FCMR: variants seen among roughly 807,000 people sequenced by gnomAD.
FCMR encodes Fc mu receptor.
In FCMR, 34 loss-of-function variants were observed where a neutral mutation model predicts 41.6. The ratio of observed to expected loss-of-function variants is 0.82; its 90% confidence interval spans 0.62 to 1.09. The LOEUF is 1.09. FCMR is among the 50% of genes least tolerant of loss of function. The pLI, the probability that FCMR is intolerant of heterozygous loss-of-function variation, is 0.00. For missense variants in FCMR, 496 were observed against 512.5 expected (o/e 0.97, Z 0.31); for synonymous variants, 209 against 211.8 (o/e 0.99, Z 0.12).
chr1:206,904,810 CA>C lies in FCMR; in HGVS notation c.*208del. On this transcript the variant is annotated 3_prime_UTR_variant, in exon 8 of 8. Coordinates refer to ENST00000367091, the MANE Select transcript of FCMR (RefSeq NM_005449.5). ...CTCTACATGCCTACAGCTTACCTGT[CA>C]ACTACAGGGGGCTGCCAAGGTGTGC... 1 of 573,744 alleles carries C rather than the reference CA, an allele frequency of 1.7e-6. No homozygotes were observed. The highest frequency in any genetic ancestry group is 2.0e-5 in the South Asian group (1 of 50,090). 35.5% of individuals were successfully genotyped at this position (573,744 alleles called of 1,614,324 possible). A position where few individuals can be genotyped will look rare whatever the true frequency, so the allele number is the denominator to read the frequency against.
intron 1 of FCMR, among the ~76,000 whole-genome samples, chr1:206,918,208 C>A (rs1384775820): frequency 6.6e-6 from 1 of 152,182 alleles, no homozygotes; most frequent in African/African-American, 2.4e-5. Context: ...GCCAGCCCAG[C>A]TTGAAACACA....
At chr1:206,907,936 G>C in intron 7 of FCMR, 2 of 1,293,798 alleles carry the variant, frequency 1.5e-6, no homozygotes, top group South Asian at 2.4e-5. Flanking sequence ...GGTGTTTGAC[G>C]GCATCCTACT....
At chr1:206,919,154 G>A (rs1572632424) in intron 1 of FCMR, among the ~76,000 whole-genome samples, 2 of 151,994 alleles carry the variant, frequency 1.3e-5, no homozygotes, top group South Asian at 2.1e-4. Context: ...TACAGTCTTC[G>A]TCCACCCCCA....
Position 206,904,919 on chromosome 1 carries a change from G to A in FCMR, c.*100C>T. ...AGATGGGGCATGGGAAGTGATGAGGGCTCTGAGAACACATGAAGCAGGTAT... is the reference window on the plus strand; with the variant it reads ...AGATGGGGCATGGGAAGTGATGAGGACTCTGAGAACACATGAAGCAGGTAT... On this transcript the variant is annotated 3_prime_UTR_variant, in exon 8 of 8. Coordinates refer to ENST00000367091, the MANE Select transcript of FCMR (RefSeq NM_005449.5). 8.1e-7 allele frequency: 1 copy of A among 1,228,370 alleles called. No homozygotes were observed. The highest frequency in any genetic ancestry group is 1.3e-5 in the South Asian group (1 of 77,666). 76.1% of individuals were successfully genotyped at this position (1,228,370 alleles called of 1,614,324 possible). A position where few individuals can be genotyped will look rare whatever the true frequency, so the allele number is the denominator to read the frequency against.
chr1:206,913,927 T>C lies in FCMR; in HGVS notation c.205A>G (p.Lys69Glu), dbSNP rs1020537472. ...GTAACTCGGCCCTTGTATTCTGCCT[T>C]GATGAAGTTGGTGGTGGATACCACG... is the stretch of plus-strand genomic sequence containing the variant. ...GTVVSTTNFI[K>E]AEYKGRVTLK... Residue 69 changes from lysine to glutamate, a missense_variant, in exon 2 of 8, where the codon AAG (lysine) becomes GAG (glutamate). Physicochemically the swap from Lys to Glu is moderately conservative, Grantham distance 56 (BLOSUM62 1). Transcript: ENST00000367091. The C allele has an allele frequency of 6.2e-7, 1 of 1,614,250 alleles. No homozygotes were observed. Among genetic ancestry groups the C allele is most frequent in the Non-Finnish European group, 8.5e-7 (1 of 1,180,042 alleles).
At chr1:206,921,754 TA>T in intron 1 of FCMR, 63 bp downstream of exon 1, 1 of 1,448,870 alleles carries the variant, frequency 6.9e-7, no homozygotes, top group Non-Finnish European at 9.7e-7. Context: ...ACCAGGCAAT[TA>T]TTCTACTTGT....
chr1:206,904,771 C>A lies in FCMR; in HGVS notation c.*248G>T. ...GACGGCTTGGAAAGGAAGCAAGTGG[C>A]ATTGGGACAATTGCTCTACATGCCT... is the stretch of plus-strand genomic sequence containing the variant. On this transcript the variant is annotated 3_prime_UTR_variant, in exon 8 of 8. Transcript: ENST00000367091. 1 of 490,652 alleles carries A rather than the reference C, an allele frequency of 2.0e-6. No individual in the cohort carries two copies. The highest frequency in any genetic ancestry group is 3.7e-6 in the Non-Finnish European group (1 of 267,802). The allele number at this position is 490,652 out of a possible 1,614,324, so 30.4% of individuals were successfully genotyped here. A position where few individuals can be genotyped will look rare whatever the true frequency, so the allele number is the denominator to read the frequency against.
chr1:206,906,708 G>T (rs1678661928), intron 7 of FCMR, among the ~76,000 whole-genome samples: 1 of 152,014 alleles, frequency 6.6e-6, no homozygotes, highest in Admixed American at 6.5e-5. Context: ...GTGGGAATGA[G>T]AGTTTCAAGT....
chr1:206,911,398 G>A (rs1387293201), intron 4 of FCMR, among the ~76,000 whole-genome samples: 2 of 152,110 alleles, frequency 1.3e-5, no homozygotes, highest in African/African-American at 4.8e-5. Flanking sequence ...ACAGTAAAAG[G>A]AAATGGGTGA....
intron 7 of FCMR, among the ~76,000 whole-genome samples, chr1:206,907,416 C>G (rs117834425): frequency 6.6e-6 from 1 of 152,246 alleles, no homozygotes; most frequent in East Asian, 1.9e-4. Flanking sequence ...GGCGCAGCAA[C>G]CAGACAGAGG....
At chr1:206,918,163 C>T (rs566733011) in intron 1 of FCMR, among the ~76,000 whole-genome samples, 20 of 152,230 alleles carry the variant, frequency 1.3e-4, no homozygotes, top group Non-Finnish European at 2.1e-4. Flanking sequence ...GTCTTCATTT[C>T]CCCTCATCCT....
chr1:206,912,796 G>A, intron 3 of FCMR, 133 bp downstream of exon 3: 3 of 673,998 alleles, frequency 4.5e-6, no homozygotes, highest in Non-Finnish European at 8.4e-6. Context: ...CTCTCTAAAG[G>A]CAGGGAATAC....
intron 7 of FCMR, chr1:206,906,064 A>T: frequency 3.1e-6 from 1 of 325,742 alleles, no homozygotes; most frequent in Non-Finnish European, 6.3e-6. Context: ...TGAGGATGAA[A>T]CTCAGTCAAG....
intron 4 of FCMR, 40 bp downstream of exon 4, chr1:206,911,690 A>T: frequency 6.3e-7 from 1 of 1,576,900 alleles, no homozygotes; most frequent in Non-Finnish European, 8.7e-7. Context: ...GGATCTCTTA[A>T]TTCTAGCCTA....
chr1:206,906,165 A>G (rs767425742), intron 7 of FCMR: 2 of 518,786 alleles, frequency 3.9e-6, no homozygotes, highest in Non-Finnish European at 7.8e-6. Flanking sequence ...ATCCCAGAAC[A>G]GCTCAAGATG....
intron 1 of FCMR, chr1:206,921,264 A>G: frequency 4.5e-6 from 1 of 220,638 alleles, no homozygotes; most frequent in South Asian, 5.8e-5. Context: ...TCCCATATTA[A>G]TAGGCTAATA....
At chr1:206,907,114 T>A (rs1027711475) in intron 7 of FCMR, among the ~76,000 whole-genome samples, 6 of 22,598 alleles carry the variant, frequency 2.7e-4, no homozygotes, top group Non-Finnish European at 5.0e-4. Flanking sequence ...GGGGGGGGGG[T>A]GGGGGCGGGG....
At chr1:206,907,912 C>T (rs1309696164) in intron 7 of FCMR, 2 of 1,256,912 alleles carry the variant, frequency 1.6e-6, no homozygotes, top group East Asian at 2.3e-5. Context: ...CCAGGCCGCC[C>T]TGGACCACCT....
At position 206,909,569 on chromosome 1, in the gene FCMR, C is replaced by G; in HGVS notation, c.986-49G>C. 7.8e-7 allele frequency: 1 copy of G among 1,289,994 alleles called. No individual in the cohort carries two copies. The highest frequency in any genetic ancestry group is 9.9e-7 in the Non-Finnish European group (1 of 1,008,826). 79.9% of individuals were successfully genotyped at this position (1,289,994 alleles called of 1,614,324 possible). A position where few individuals can be genotyped will look rare whatever the true frequency, so the allele number is the denominator to read the frequency against. On this transcript the variant is annotated intron_variant, in intron 6 of 7. Transcript: ENST00000367091. This position sits in a 1 kb window ranked among gnomAD's most constrained non-coding sequence, Gnocchi z 5.0. ...GAGGCGGCGGCCGAGGCTCCCGCCC[C>G]ACCGTCATGCTACTACTCCCAGCTC...
Sources: allele counts gnomAD v4.1 joint callset (sites outside exome capture counted in the v4.1 genomes callset), GRCh38; gene constraint gnomAD v4.1.1; non-coding constraint Gnocchi (gnomAD v3.1); transcripts MANE v1.5; gene names NCBI Gene and HGNC (gene_info 2026-07-23, HGNC 2026-07-21).